ANKRD36: variants seen among roughly 807,000 people sequenced by gnomAD.
The protein encoded by ANKRD36 is ankyrin repeat domain-containing protein 36A.
ANKRD36 carries 179 observed loss-of-function variants against 278.1 expected under a neutral mutation model. The observed-to-expected ratio is 0.64, with a 90% CI of 0.57 to 0.73. ANKRD36 has a LOEUF of 0.73. Ranked by LOEUF, ANKRD36 falls within the 30% of genes least tolerant of loss-of-function variation. The pLI, the probability that ANKRD36 is intolerant of heterozygous loss-of-function variation, is 0.00. For missense variants in ANKRD36, 1,159 were observed against 1,956.7 expected, an observed-to-expected ratio of 0.59 and a Z score of 7.69; for synonymous variants, 320 against 641.1, an observed-to-expected ratio of 0.50 and a Z score of 7.57.
At position 97,203,758 on chromosome 2, in the gene ANKRD36, C is replaced by T. The variant is rs2062033496; in HGVS notation, c.2960-310C>T. 2.0e-5 allele frequency among the ~76,000 whole-genome samples: 3 copies of T among 151,812 alleles called. No homozygotes were observed. In the South Asian group the frequency reaches 6.3e-4, roughly 32 times the overall value. On this transcript the variant is annotated intron_variant, in intron 48 of 75. Transcript: ENST00000420699. ...TGATTCTGACGTGTATGAGTTGCTC[C>T]TCTGATTTTAGATCACTTTGTCCTC...
At chr2:97,153,998 A>C (rs1396396930) in intron 14 of ANKRD36, among the ~76,000 whole-genome samples, 2 of 148,860 alleles carry the variant, frequency 1.3e-5, no homozygotes, top group African/African-American at 2.4e-5. Flanking sequence ...ATATAATGAC[A>C]ATAATTGGAT....
At chr2:97,202,252 T>A (rs199632377) in intron 47 of ANKRD36, 22 bp downstream of exon 47, 6 of 1,608,092 alleles carry the variant, frequency 3.7e-6, no homozygotes, top group African/African-American at 2.7e-5. Context: ...CCCATTTATC[T>A]TGTGAACGAG....
intron 42 of ANKRD36, among the ~76,000 whole-genome samples, chr2:97,198,142 T>C (rs1419467958): frequency 1.3e-5 from 2 of 151,922 alleles, no homozygotes; most frequent in Non-Finnish European, 2.9e-5. Flanking sequence ...CTCAGGTGCA[T>C]GAGTTGCCCC....
chr2:97,135,689 T>C (rs1159379233), intron 6 of ANKRD36, among the ~76,000 whole-genome samples: 1 of 151,656 alleles, frequency 6.6e-6, no homozygotes, highest in African/African-American at 2.4e-5. Context: ...ATTATGTCAA[T>C]GACTAGTGAG....
chr2:97,203,682 T>G lies in ANKRD36; in HGVS notation c.2960-386T>G, dbSNP rs149888091. On this transcript the variant is annotated intron_variant, in intron 48 of 75. Coordinates refer to ENST00000420699, the MANE Select transcript of ANKRD36 (RefSeq NM_001354587.1). Reference sequence around the variant, plus strand: ...TGTAGTATAATGGTGTAAATCCTTTTTATTTCCTGTATGAAAGACATGTGG... The same window carrying G: ...TGTAGTATAATGGTGTAAATCCTTTGTATTTCCTGTATGAAAGACATGTGG... Among the ~76,000 whole-genome samples, 23 of 151,928 alleles carry G rather than the reference T, an allele frequency of 1.5e-4. No homozygotes were observed. In the East Asian group the frequency reaches 4.5e-3, roughly 30 times the overall value.
chr2:97,151,905 G>C lies in ANKRD36; in HGVS notation c.1128G>C (p.Lys376Asn). The C allele has an allele frequency of 1.4e-6, 2 of 1,454,922 alleles. No individual in the cohort carries two copies. The highest frequency in any genetic ancestry group is 2.8e-5 in the African/African-American group (2 of 71,202). The allele number at this position is 1,454,922 out of a possible 1,614,324, so 90.1% of individuals were successfully genotyped here. ...SEIISKLYIP[K>N]RKIISPRSIK... Reference sequence around the variant, plus strand: ...TTATTTCAAAACTATACATCCCAAAGAGAAAGATTATTTCTCCACGATCTA... The same window carrying C: ...TTATTTCAAAACTATACATCCCAAACAGAAAGATTATTTCTCCACGATCTA... Residue 376 changes from lysine (K) to asparagine (N), a missense_variant, in exon 13 of 76, where the codon AAG (lysine) becomes AAC (asparagine). By Grantham distance (94) the Lys-to-Asn change is moderately conservative. Transcript: ENST00000420699.
chr2:97,194,124 C>G (rs1019185971), intron 38 of ANKRD36, among the ~76,000 whole-genome samples: 5 of 151,522 alleles, frequency 3.3e-5, no homozygotes, highest in African/African-American at 1.2e-4. Flanking sequence ...GAAAATTAGG[C>G]AAATGATTAC....
chr2:97,146,822 A>G (rs1001408125), intron 11 of ANKRD36, among the ~76,000 whole-genome samples: 5 of 151,746 alleles, frequency 3.3e-5, no homozygotes, highest in Non-Finnish European at 7.4e-5. Flanking sequence ...GCCCCTAAGC[A>G]TAGATGGATA....
intron 11 of ANKRD36, among the ~76,000 whole-genome samples, chr2:97,148,946 G>A (rs1256681440): frequency 6.6e-6 from 1 of 152,206 alleles, no homozygotes; most frequent in Non-Finnish European, 1.5e-5. Context: ...GATATCAACT[G>A]GATTTTCAGT....
intron 48 of ANKRD36, among the ~76,000 whole-genome samples, 197 bp from the exon 49 acceptor site, chr2:97,203,871 A>T (rs543552419): frequency 5.3e-4 from 80 of 151,912 alleles, no homozygotes; most frequent in African/African-American, 1.9e-3. Context: ...AAATTCTAAG[A>T]CTATATTTCA....
At chr2:97,230,998 G>A (rs531434760) in intron 67 of ANKRD36, among the ~76,000 whole-genome samples, 2 of 152,176 alleles carry the variant, frequency 1.3e-5, no homozygotes, top group Non-Finnish European at 2.9e-5. Context: ...GTTCCTCTGG[G>A]AGTTTTGTCT....
At chr2:97,167,079 A>G (rs2050948758) in intron 20 of ANKRD36, among the ~76,000 whole-genome samples, 1 of 152,086 alleles carries the variant, frequency 6.6e-6, no homozygotes, top group East Asian at 1.9e-4. Context: ...ACTTTTTTGC[A>G]TAAGTGAATG....
chr2:97,220,505 G>GT (rs2067116806), intron 66 of ANKRD36, among the ~76,000 whole-genome samples: 1 of 151,092 alleles, frequency 6.6e-6, no homozygotes, highest in Non-Finnish European at 1.5e-5. Flanking sequence ...TCCTTTCTTT[G>GT]CCTGGATTAT....
chr2:97,195,801 A>G (rs1199361483), intron 40 of ANKRD36, among the ~76,000 whole-genome samples: 2 of 152,056 alleles, frequency 1.3e-5, no homozygotes, highest in Admixed American at 6.6e-5. Context: ...ATCATTTTCA[A>G]TGAATATTGG....
rs1191086616 is a variant in ANKRD36 at position 97,228,168 on chromosome 2, G to T, written c.3951+3289G>T. On this transcript the variant is annotated intron_variant, in intron 67 of 75. Transcript: ENST00000420699. ...GGCCTCATAAAATGAGTTAGGGAGG[G>T]TTCCCTCTTTTTCTATTGATTGGAA... is the stretch of plus-strand genomic sequence containing the variant. Among the ~76,000 whole-genome samples the T allele has an allele frequency of 3.3e-5, 5 of 152,202 alleles. 1 individual carries two copies. In the East Asian group the frequency reaches 9.8e-4, roughly 30 times the overall value.
intron 66 of ANKRD36, among the ~76,000 whole-genome samples, chr2:97,223,103 T>G (rs1204608138): frequency 6.7e-6 from 1 of 148,942 alleles, no homozygotes; most frequent in Non-Finnish European, 1.5e-5. Context: ...ATACACTTTT[T>G]TTTTTTTTTT....
chr2:97,202,069 C>A, intron 46 of ANKRD36, 133 bp from the exon 47 acceptor site: 1 of 1,532,226 alleles, frequency 6.5e-7, no homozygotes, highest in Non-Finnish European at 8.7e-7. Context: ...AGTCCCCAGA[C>A]ACAAAGTAGA....
chr2:97,233,009 TAAA>T (rs796667881), intron 67 of ANKRD36, among the ~76,000 whole-genome samples: 4 of 144,534 alleles, frequency 2.8e-5, no homozygotes, highest in African/African-American at 5.1e-5. Flanking sequence ...GCATGTGATT[TAAA>T]AAAAAAAAAA....
intron 5 of ANKRD36, among the ~76,000 whole-genome samples, chr2:97,125,000 A>T (rs2038160142): frequency 6.6e-6 from 1 of 151,810 alleles, no homozygotes; most frequent in African/African-American, 2.4e-5. Flanking sequence ...TGTACTGGGG[A>T]CCATCTACTA....
Sources: gnomAD v4.1 joint callset for allele counts (sites outside exome capture counted in the v4.1 genomes callset) on GRCh38, gnomAD v4.1.1 for gene constraint, MANE v1.5 for transcripts, NCBI Gene and HGNC (gene_info 2026-07-23, HGNC 2026-07-21) for gene names.